Variants in KYAT3 observed in about 807,000 individuals in gnomAD.
KYAT3 encodes the protein kynurenine--oxoglutarate transaminase 3.
A neutral mutation model predicts 59.0 loss-of-function variants in KYAT3; 50 were observed. The ratio of observed to expected loss-of-function variants is 0.85; its 90% CI spans 0.68 to 1.07. The LOEUF is 1.07. Ranked by LOEUF, KYAT3 falls within the 50% of genes least tolerant of loss-of-function variation. The pLI is 0.00. For missense variants in KYAT3, 497 were observed against 533.3 expected (o/e 0.93, Z 0.67); for synonymous variants, 148 against 177.0 (o/e 0.84, Z 1.30).
chr1:88,992,170 G>C (rs1677843457), intron 1 of KYAT3, among the ~76,000 whole-genome samples: 4 of 152,026 alleles, frequency 2.6e-5, no homozygotes, highest in Non-Finnish European at 5.9e-5. Context: ...AGTACAGACG[G>C]GGTTTCACCG....
chr1:88,988,719 A>G (rs1450429867), intron 1 of KYAT3, among the ~76,000 whole-genome samples: 1 of 152,234 alleles, frequency 6.6e-6, no homozygotes, highest in Non-Finnish European at 1.5e-5. Flanking sequence ...GAACTACTCA[A>G]ATTTCAGAAT....
chr1:88,949,197 C>A lies in KYAT3; in HGVS notation c.1035G>T (p.Glu345Asp). 6.2e-7 allele frequency: 1 copy of A among 1,610,470 alleles called. No individual in the cohort carries two copies. The highest frequency in any genetic ancestry group is 8.5e-7 in the Non-Finnish European group (1 of 1,178,678). The change falls in exon 11 of 14, where the codon GAG (glutamate) becomes GAT (aspartate). Residue 345 changes from glutamate (E) to aspartate (D), a missense_variant. Coordinates refer to ENST00000260508, the MANE Select transcript of KYAT3 (RefSeq NM_001008661.3). ...PECYFNSLPK[E>D]LEVKRDRMVR... ...CCATCCGATCTCTTTTTACTTCTAA[C>A]TCTTTTGGCAAAGAATTAAAGTAAC...
At chr1:88,971,921 A>T (rs1056282152) in intron 2 of KYAT3, among the ~76,000 whole-genome samples, 1 of 152,230 alleles carries the variant, frequency 6.6e-6, no homozygotes, top group East Asian at 1.9e-4. Context: ...GCAAAATGAT[A>T]TACAGCATGA....
chr1:88,936,700 CT>C (rs1336850441), intron 13 of KYAT3, among the ~76,000 whole-genome samples: 1 of 150,578 alleles, frequency 6.6e-6, no homozygotes, highest in Non-Finnish European at 1.5e-5. Context: ...TACTCTGCCC[CT>C]TGCTTTCAAG....
chr1:88,969,576 G>C, intron 2 of KYAT3, 109 bp from the exon 3 acceptor site: 1 of 633,254 alleles, frequency 1.6e-6, no homozygotes, highest in South Asian at 1.8e-5. Context: ...GTAAATAGTA[G>C]TTCCATAAAG....
At chr1:88,951,571 T>C (rs1180462767) in intron 10 of KYAT3, among the ~76,000 whole-genome samples, 1 of 151,778 alleles carries the variant, frequency 6.6e-6, no homozygotes, top group East Asian at 1.9e-4. Flanking sequence ...AAAAATACTA[T>C]TTTTTTCAGC....
intron 11 of KYAT3, among the ~76,000 whole-genome samples, chr1:88,947,405 C>T (rs1675485846): frequency 6.6e-6 from 1 of 152,186 alleles, no homozygotes; most frequent in Admixed American, 6.5e-5. Context: ...CCTGCTGCCT[C>T]TTCTGTGTCC....
At chr1:88,943,491 C>A in intron 11 of KYAT3, 68 bp from the exon 12 acceptor site, 1 of 821,950 alleles carries the variant, frequency 1.2e-6, no homozygotes, top group South Asian at 1.5e-5. Flanking sequence ...TCATTTAAGT[C>A]TATCAAGATT....
intron 9 of KYAT3, among the ~76,000 whole-genome samples, 198 bp downstream of exon 9, chr1:88,954,951 A>C (rs1250884008): frequency 6.6e-6 from 1 of 152,150 alleles, no homozygotes; most frequent in South Asian, 2.1e-4. Flanking sequence ...GTATTTGTAG[A>C]GACAGGGTCT....
intron 8 of KYAT3, among the ~76,000 whole-genome samples, chr1:88,955,868 T>C (rs1441760946): frequency 6.6e-6 from 1 of 152,130 alleles, no homozygotes; most frequent in Non-Finnish European, 1.5e-5. Context: ...TATGTGTGTA[T>C]GGGCGTGTGT....
intron 2 of KYAT3, among the ~76,000 whole-genome samples, chr1:88,971,246 A>C (rs916349888): frequency 1.3e-5 from 2 of 152,218 alleles, no homozygotes. Context: ...AATTATTTAG[A>C]TAATTGAGGT....
chr1:88,959,114 C>T (rs1557690232), intron 8 of KYAT3, among the ~76,000 whole-genome samples: 1 of 151,682 alleles, frequency 6.6e-6, no homozygotes, highest in Non-Finnish European at 1.5e-5. Flanking sequence ...GCTATCTCTA[C>T]AAAAATTTTT....
chr1:88,940,041 C>G (rs1328809914), intron 13 of KYAT3, among the ~76,000 whole-genome samples: 1 of 151,970 alleles, frequency 6.6e-6, no homozygotes, highest in Non-Finnish European at 1.5e-5. Context: ...TATAGATTCA[C>G]AGTTGGTTCC....
chr1:88,944,725 A>T (rs1289033129), intron 11 of KYAT3, among the ~76,000 whole-genome samples: 1 of 152,218 alleles, frequency 6.6e-6, no homozygotes, highest in Non-Finnish European at 1.5e-5. Flanking sequence ...TATTGAAGGT[A>T]CACAGGTAGG....
At chr1:88,937,582 A>G (rs1675087080) in intron 13 of KYAT3, among the ~76,000 whole-genome samples, 1 of 152,214 alleles carries the variant, frequency 6.6e-6, no homozygotes, top group Non-Finnish European at 1.5e-5. Flanking sequence ...GAGATATGGA[A>G]TATTTTCATA....
chr1:88,926,309 G>A, the KYAT3 span, among the ~76,000 whole-genome samples: 1 of 152,204 alleles, frequency 6.6e-6, no homozygotes, highest in Admixed American at 6.5e-5. Flanking sequence ...CCAGACCTAG[G>A]AGGAACTCCC....
chr1:88,983,169 A>G (rs1203842978), intron 2 of KYAT3: 2 of 1,612,466 alleles, frequency 1.2e-6, no homozygotes. Flanking sequence ...CTGCTTGAAT[A>G]GCTGTCTTTA....
chr1:88,938,831 A>G (rs1403690857), intron 13 of KYAT3, among the ~76,000 whole-genome samples: 2 of 152,220 alleles, frequency 1.3e-5, no homozygotes, highest in Non-Finnish European at 2.9e-5. Context: ...CATTTATTCA[A>G]GCAGCCCCCA....
chr1:88,921,481 T>C, the KYAT3 span, among the ~76,000 whole-genome samples: 2 of 152,190 alleles, frequency 1.3e-5, no homozygotes, highest in African/African-American at 4.8e-5. Context: ...CTCTATTCCA[T>C]AAAAGATCTT....
Sources: allele counts gnomAD v4.1 joint callset (sites outside exome capture counted in the v4.1 genomes callset), GRCh38; gene constraint gnomAD v4.1.1; transcripts MANE v1.5; gene names NCBI Gene and HGNC (gene_info 2026-07-23, HGNC 2026-07-21).